The following SLC14A2 variants were observed in gnomAD, a reference collection of about 807,000 sequenced individuals.
SLC14A2 encodes solute carrier family 14 member 2.
In SLC14A2, 91 loss-of-function variants were observed where a neutral mutation model predicts 104.6. The ratio of observed to expected loss-of-function variants is 0.87; its 90% confidence interval spans 0.73 to 1.04. The LOEUF is 1.04. Among genes scored for constraint, SLC14A2 ranks in the 50% least tolerant of loss-of-function variants. The probability of loss-of-function intolerance (pLI) is 0.00; values close to 1 mark genes in which losing one functional copy is unlikely to be tolerated. For synonymous variants in SLC14A2, 476 were observed against 466.4 expected (o/e 1.02, Z -0.27); for missense variants, 1,189 against 1,156.0 (o/e 1.03, Z -0.41).
At chr18:45,641,781 C>T (rs185571253) in intron 8 of SLC14A2, among the ~76,000 whole-genome samples, 28 of 152,278 alleles carry the variant, frequency 1.8e-4, no homozygotes, top group African/African-American at 5.5e-4. Flanking sequence ...AAGGCTGCAG[C>T]GTCCACAAAG....
the SLC14A2 span, among the ~76,000 whole-genome samples, chr18:45,207,264 G>C: frequency 6.6e-6 from 1 of 150,978 alleles, no homozygotes; most frequent in East Asian, 1.9e-4. Context: ...GAAAGGGAGA[G>C]ATGGAGACAT....
chr18:45,551,596 C>T (rs1294160456), intron 2 of SLC14A2, among the ~76,000 whole-genome samples: 1 of 152,110 alleles, frequency 6.6e-6, no homozygotes, highest in Non-Finnish European at 1.5e-5. Flanking sequence ...TGAGATGTGT[C>T]AACATGAGGG....
intron 1 of SLC14A2, among the ~76,000 whole-genome samples, chr18:45,225,311 G>C (rs1599587965): frequency 6.6e-6 from 1 of 152,014 alleles, no homozygotes; most frequent in Non-Finnish European, 1.5e-5. Context: ...TAGATGTGTG[G>C]TATTATTTCT....
intron 1 of SLC14A2, among the ~76,000 whole-genome samples, chr18:45,289,436 A>G (rs979035006): frequency 6.6e-6 from 1 of 152,110 alleles, no homozygotes; most frequent in Non-Finnish European, 1.5e-5. Context: ...GGGGATTTCC[A>G]TGAAACAAAA....
intron 1 of SLC14A2, among the ~76,000 whole-genome samples, chr18:45,282,701 G>A (rs552073575): frequency 3.3e-5 from 5 of 152,250 alleles, no homozygotes; most frequent in East Asian, 3.9e-4. Flanking sequence ...ATGGGATTTC[G>A]AAATACAGCA....
At chr18:45,529,219 G>C (rs568441703) in intron 2 of SLC14A2, 49 of 152,276 alleles carry the variant, frequency 3.2e-4, no homozygotes, top group African/African-American at 1.1e-3. Context: ...AAAATTATTG[G>C]TGAGAAAATT....
At chr18:45,243,622 G>A (rs1012985434) in intron 1 of SLC14A2, among the ~76,000 whole-genome samples, 10 of 152,222 alleles carry the variant, frequency 6.6e-5, no homozygotes, top group African/African-American at 9.6e-5. Context: ...GACTGTAAAT[G>A]TATTCCGAGT....
At chr18:45,520,578 A>G (rs763835737) in intron 2 of SLC14A2, among the ~76,000 whole-genome samples, 4 of 152,230 alleles carry the variant, frequency 2.6e-5, no homozygotes, top group African/African-American at 4.8e-5. Context: ...TAAACTTTGC[A>G]TGTCAAATGA....
At chr18:45,446,340 G>C (rs1238741516) in intron 1 of SLC14A2, among the ~76,000 whole-genome samples, 3 of 152,148 alleles carry the variant, frequency 2.0e-5, no homozygotes, top group Non-Finnish European at 4.4e-5. Flanking sequence ...TTAGGGTGGA[G>C]CCCCTATGAT....
chr18:45,237,421 C>G lies in SLC14A2; in HGVS notation c.-125+24230C>G, dbSNP rs144082785. ...TTTTGCCCAAGGTCACATGGCTGGA[C>G]AGATCCCAGCACTCAGCCTTCCTTT... On this transcript the variant is annotated intron_variant, in intron 1 of 20. Transcript: ENST00000586448. 8.6e-4 allele frequency among the ~76,000 whole-genome samples: 131 copies of G among 152,284 alleles called. 2 individuals are homozygous for G. The East Asian group carries it at 0.023, about 27-fold the overall frequency.
At chr18:45,467,891 CAG>C (rs2087173084) in intron 1 of SLC14A2, among the ~76,000 whole-genome samples, 1 of 152,214 alleles carries the variant, frequency 6.6e-6, no homozygotes, top group East Asian at 1.9e-4. Context: ...ATTCTAAAGA[CAG>C]TGTGGGAGGT....
the SLC14A2 span, among the ~76,000 whole-genome samples, chr18:45,177,765 T>C: frequency 2.0e-5 from 3 of 152,212 alleles, no homozygotes; most frequent in South Asian, 6.2e-4. Flanking sequence ...ATTTTATTAG[T>C]AGTTTATTAC....
chr18:45,244,353 G>T (rs760475439), intron 1 of SLC14A2, among the ~76,000 whole-genome samples: 2 of 152,152 alleles, frequency 1.3e-5, no homozygotes, highest in Non-Finnish European at 1.5e-5. Context: ...GGTGCTGGGC[G>T]CAGTGGCTCA....
intron 1 of SLC14A2, among the ~76,000 whole-genome samples, chr18:45,342,931 G>A (rs977198125): frequency 2.0e-5 from 3 of 152,154 alleles, no homozygotes; most frequent in African/African-American, 7.2e-5. Flanking sequence ...ACCAATCCCT[G>A]TGTAACCATT....
chr18:45,189,935 T>C, the SLC14A2 span, among the ~76,000 whole-genome samples: 1 of 152,108 alleles, frequency 6.6e-6, no homozygotes, highest in Non-Finnish European at 1.5e-5. Flanking sequence ...CAGAGTTCCC[T>C]GGGAAATGTC....
At position 45,605,648 on chromosome 18, in the gene SLC14A2, A is replaced by G. The variant is rs7236493; in HGVS notation, c.-34-18983A>G. ...TGGGCAGAATCACAAAATATTAAAG[A>G]TTTGGTTATTAATTAAACTTGACCA... On this transcript the variant is annotated intron_variant, in intron 2 of 20. Transcript: ENST00000586448. 4.4e-3 allele frequency among the ~76,000 whole-genome samples: 668 copies of G among 152,286 alleles called. 4 individuals carry two copies. Among genetic ancestry groups the G allele is most frequent in the African/African-American group, 0.015 (619 of 41,554 alleles).
intron 1 of SLC14A2, among the ~76,000 whole-genome samples, chr18:45,618,787 A>C (rs1458525331): frequency 6.6e-6 from 1 of 151,010 alleles, no homozygotes; most frequent in Non-Finnish European, 1.5e-5. Flanking sequence ...ATAGGGAGAG[A>C]GCTTTGACTC....
chr18:45,495,455 C>T (rs1008497877), intron 2 of SLC14A2, among the ~76,000 whole-genome samples: 2 of 152,126 alleles, frequency 1.3e-5, no homozygotes, highest in Non-Finnish European at 2.9e-5. Context: ...CACTGTAGAC[C>T]TCAAAATGCC....
At chr18:45,510,774 C>T (rs1408628332) in intron 2 of SLC14A2, among the ~76,000 whole-genome samples, 1 of 152,032 alleles carries the variant, frequency 6.6e-6, no homozygotes, top group African/African-American at 2.4e-5. Flanking sequence ...CTAGCTTGTT[C>T]TTGTCCTGCT....
Sources: allele counts gnomAD v4.1 joint callset (sites outside exome capture counted in the v4.1 genomes callset), GRCh38; gene constraint gnomAD v4.1.1; transcripts MANE v1.5; gene names NCBI Gene and HGNC (gene_info 2026-07-23, HGNC 2026-07-21).